The following AGBL1 variants were observed in gnomAD, a reference collection of about 807,000 sequenced individuals.
AGBL1 encodes the protein AGBL carboxypeptidase 1, also known as cytosolic carboxypeptidase 4.
Under a neutral mutation model 118.9 loss-of-function variants are expected in AGBL1, and 130 were observed. The ratio of observed to expected loss-of-function variants is 1.09; its 90% CI spans 0.95 to 1.26. The LOEUF (loss-of-function observed/expected upper bound fraction) is 1.26. Among genes scored for constraint, AGBL1 ranks in the 50% most tolerant of loss-of-function variants. AGBL1 has a pLI of 0.00. For missense variants in AGBL1, 1,584 were observed against 1,298.1 expected, an observed-to-expected ratio of 1.22 and a Z score of -3.38; for synonymous variants, 555 against 478.9, an observed-to-expected ratio of 1.16 and a Z score of -2.08.
chr15:86,213,999 A>C (rs953291755), intron 5 of AGBL1, among the ~76,000 whole-genome samples: 3 of 152,134 alleles, frequency 2.0e-5, no homozygotes, highest in African/African-American at 7.2e-5. Context: ...ATCTCATGTA[A>C]GTGGAATGAA....
At chr15:86,841,778 C>A (rs933597112) in intron 22 of AGBL1, among the ~76,000 whole-genome samples, 1 of 152,058 alleles carries the variant, frequency 6.6e-6, no homozygotes, top group Non-Finnish European at 1.5e-5. Context: ...ACCAGAGAGG[C>A]GGAGGTTGTG....
intron 5 of AGBL1, among the ~76,000 whole-genome samples, chr15:86,188,527 C>A (rs545148883): frequency 1.5e-4 from 23 of 152,290 alleles, no homozygotes; most frequent in Non-Finnish European, 1.3e-4. Context: ...TATAAACTTT[C>A]TGCTAAAGGA....
At chr15:86,444,286 A>G (rs1420784832) in intron 18 of AGBL1, among the ~76,000 whole-genome samples, 1 of 152,158 alleles carries the variant, frequency 6.6e-6, no homozygotes, top group African/African-American at 2.4e-5. Context: ...GGGTTTCCTC[A>G]TTCCGCTTTT....
chr15:86,863,689 C>A (rs926427456), intron 22 of AGBL1, among the ~76,000 whole-genome samples: 3 of 152,144 alleles, frequency 2.0e-5, no homozygotes, highest in African/African-American at 7.2e-5. Context: ...GCAAGCATTT[C>A]ATATTGTAAA....
At chr15:86,113,212 T>TTTTTCTTTTTTCTTTTCTTTTC (rs1555430664) in intron 1 of AGBL1, among the ~76,000 whole-genome samples, 1 of 122,132 alleles carries the variant, frequency 8.2e-6, no homozygotes, top group Non-Finnish European at 1.7e-5. Flanking sequence ...TTTCTTTTTC[T>TTTTTCTTTTTTCTTTTCTTTTC]TTTTCTTTTC....
chr15:86,085,696 C>G lies in AGBL1; in HGVS notation c.51+5673C>G, dbSNP rs192266218. 8.3e-4 allele frequency among the ~76,000 whole-genome samples: 126 copies of G among 152,340 alleles called. 1 individual carries two copies. The highest frequency in any genetic ancestry group is 2.7e-3 in the African/African-American group (113 of 41,572). ...GTATCTCAGCTCATCCTGAGCCTCT[C>G]TCTAACCCTAGGAGGAAGGGCTGGG... is the stretch of plus-strand genomic sequence containing the variant. On this transcript the variant is annotated intron_variant, in intron 1 of 22. Transcript: ENST00000614907.
Position 86,100,919 on chromosome 15 carries a change from G to A in AGBL1, c.51+20896G>A, listed in dbSNP as rs182019850. On this transcript the variant is annotated intron_variant, in intron 1 of 22. Coordinates refer to ENST00000614907, the MANE Select transcript of AGBL1 (RefSeq NM_001386094.1). ...ATTTCCTTCTACTCATTCTGGGTTC[G>A]TTCTGCTCTTGCTTTTCTAGTTGTT... 1.3e-3 allele frequency among the ~76,000 whole-genome samples: 205 copies of A among 151,948 alleles called. 1 individual carries two copies. Among genetic ancestry groups the A allele is most frequent in the African/African-American group, 4.2e-3 (173 of 41,444 alleles).
intron 23 of AGBL1, among the ~76,000 whole-genome samples, chr15:86,972,641 A>C (rs1360215749): frequency 6.6e-6 from 1 of 151,968 alleles, no homozygotes; most frequent in Non-Finnish European, 1.5e-5. Context: ...TCTGAAACTC[A>C]CCTGCATTTC....
chr15:86,706,756 T>A (rs550674507), intron 22 of AGBL1, among the ~76,000 whole-genome samples: 191 of 152,222 alleles, frequency 1.3e-3, no homozygotes, highest in African/African-American at 4.4e-3. Flanking sequence ...TCTTTGAGGA[T>A]TTTGCAAAAT....
intron 22 of AGBL1, among the ~76,000 whole-genome samples, chr15:86,868,978 C>T (rs1429158453): frequency 2.0e-5 from 3 of 152,188 alleles, no homozygotes; most frequent in Non-Finnish European, 4.4e-5. Context: ...ATTCCCAATT[C>T]AAGGCCTTTA....
At chr15:86,807,397 A>C (rs7175058) in intron 22 of AGBL1, among the ~76,000 whole-genome samples, 8,236 of 152,252 alleles carry the variant, frequency 0.054, 737 homozygotes, top group African/African-American at 0.19. Context: ...CAAATGTGGA[A>C]CATAGTAGGA....
chr15:86,568,449 A>G (rs1207555654), intron 21 of AGBL1, among the ~76,000 whole-genome samples: 2 of 152,204 alleles, frequency 1.3e-5, no homozygotes, highest in Non-Finnish European at 2.9e-5. Flanking sequence ...AAATCAGCTC[A>G]GAAGTGCTTG....
chr15:86,113,217 C>CT (rs1381672852), intron 1 of AGBL1, among the ~76,000 whole-genome samples: 2 of 50,786 alleles, frequency 3.9e-5, no homozygotes, highest in African/African-American at 1.8e-4. Context: ...TTTTCTTTTT[C>CT]TTTTCTTTTC....
At chr15:86,100,778 T>C (rs1016446659) in intron 1 of AGBL1, among the ~76,000 whole-genome samples, 2 of 152,094 alleles carry the variant, frequency 1.3e-5, no homozygotes, top group Non-Finnish European at 2.9e-5. Flanking sequence ...GGTTAGTCTA[T>C]CTAGCAGTTT....
intron 22 of AGBL1, among the ~76,000 whole-genome samples, chr15:86,677,235 CAGAGGA>C (rs2085864744): frequency 6.6e-6 from 1 of 152,140 alleles, no homozygotes; most frequent in African/African-American, 2.4e-5. Flanking sequence ...TTTTCAAGAG[CAGAGGA>C]AGAGCAGAGA....
At chr15:86,456,632 G>C (rs1023440173) in intron 18 of AGBL1, among the ~76,000 whole-genome samples, 6 of 152,162 alleles carry the variant, frequency 3.9e-5, no homozygotes, top group African/African-American at 1.4e-4. Flanking sequence ...TCCCCAAGGA[G>C]AATAAGTTCA....
At chr15:86,938,993 A>T (rs1157831344) in intron 23 of AGBL1, 1 of 152,256 alleles carries the variant, frequency 6.6e-6, no homozygotes, top group Non-Finnish European at 1.5e-5. Flanking sequence ...GGTGACCCAC[A>T]TTCACTGTCA....
intron 18 of AGBL1, among the ~76,000 whole-genome samples, chr15:86,437,667 C>T (rs1478491022): frequency 6.6e-6 from 1 of 152,180 alleles, no homozygotes; most frequent in African/African-American, 2.4e-5. Flanking sequence ...TTTCATCTAA[C>T]ACGGAGTGAG....
At chr15:86,879,582 C>T (rs539607937) in intron 22 of AGBL1, among the ~76,000 whole-genome samples, 1 of 152,152 alleles carries the variant, frequency 6.6e-6, no homozygotes, top group Non-Finnish European at 1.5e-5. Context: ...AAATCAATTA[C>T]AAATGTTACA....
Sources: gnomAD v4.1 joint callset for allele counts (sites outside exome capture counted in the v4.1 genomes callset) on GRCh38, gnomAD v4.1.1 for gene constraint, MANE v1.5 for transcripts, NCBI Gene and HGNC (gene_info 2026-07-23, HGNC 2026-07-21) for gene names.